The following SMYD3 variants were observed in gnomAD, a reference collection of about 807,000 sequenced individuals.
SMYD3 encodes the protein histone-lysine N-methyltransferase SMYD3.
SMYD3 carries 36 observed loss-of-function variants against 57.7 expected under a neutral mutation model. The ratio of observed to expected loss-of-function variants is 0.62; its 90% CI spans 0.48 to 0.82. SMYD3 has a LOEUF of 0.82. Ranked by LOEUF, SMYD3 falls within the 40% of genes least tolerant of loss-of-function variation. The probability of loss-of-function intolerance (pLI) is 0.00; values close to 1 mark genes in which losing one functional copy is unlikely to be tolerated. For missense variants in SMYD3, 515 were observed against 538.8 expected, an observed-to-expected ratio of 0.96 and a Z score of 0.44; for synonymous variants, 211 against 195.0, an observed-to-expected ratio of 1.08 and a Z score of -0.68.
intron 3 of SMYD3, among the ~76,000 whole-genome samples, chr1:246,333,527 T>C (rs1021499780): frequency 5.3e-5 from 8 of 152,134 alleles, no homozygotes; most frequent in African/African-American, 1.9e-4. Flanking sequence ...ATATCCAGAA[T>C]CTATAAGGAA....
chr1:246,327,429 T>C, intron 4 of SMYD3, 92 bp from the exon 5 acceptor site: 1 of 1,092,330 alleles, frequency 9.2e-7, no homozygotes, highest in Non-Finnish European at 1.3e-6. Flanking sequence ...AAACCAGATA[T>C]TTCCTACCTT....
intron 1 of SMYD3, among the ~76,000 whole-genome samples, chr1:246,411,970 TATAATAA>T: frequency 1.1e-5 from 1 of 93,876 alleles, no homozygotes; most frequent in East Asian, 3.3e-4. Flanking sequence ...AAACTTAAAG[TATAATAA>T]AAAAAAAAAA....
chr1:245,792,020 G>A (rs1383776568), intron 10 of SMYD3, among the ~76,000 whole-genome samples: 1 of 151,050 alleles, frequency 6.6e-6, no homozygotes, highest in Non-Finnish European at 1.5e-5. Flanking sequence ...GCTGTTCGAT[G>A]AAATTTGATT....
At chr1:245,800,759 G>A (rs917235046) in intron 10 of SMYD3, among the ~76,000 whole-genome samples, 1 of 152,140 alleles carries the variant, frequency 6.6e-6, no homozygotes, top group African/African-American at 2.4e-5. Flanking sequence ...ACCATCCATG[G>A]GAGAATGAGA....
At chr1:246,439,332 T>C (rs1572502634) in intron 1 of SMYD3, among the ~76,000 whole-genome samples, 1 of 152,168 alleles carries the variant, frequency 6.6e-6, no homozygotes, top group Non-Finnish European at 1.5e-5. Flanking sequence ...ATTCACTGTA[T>C]AGTCCAACAA....
At chr1:246,389,814 T>TA (rs201949388) in intron 1 of SMYD3, among the ~76,000 whole-genome samples, 22 of 142,696 alleles carry the variant, frequency 1.5e-4, no homozygotes, top group Middle Eastern at 4.1e-3. Flanking sequence ...AGTCAGTTTC[T>TA]GGGGACCTCC....
chr1:246,009,256 T>C (rs2059233444), intron 5 of SMYD3, among the ~76,000 whole-genome samples: 1 of 152,204 alleles, frequency 6.6e-6, no homozygotes, highest in Non-Finnish European at 1.5e-5. Context: ...TTGGAATTCA[T>C]GTATTGGGGG....
At chr1:246,075,538 A>G (rs1286075291) in intron 5 of SMYD3, among the ~76,000 whole-genome samples, 1 of 152,232 alleles carries the variant, frequency 6.6e-6, no homozygotes, top group Non-Finnish European at 1.5e-5. Context: ...AGGCAAAATA[A>G]AGACATTTTC....
At chr1:245,966,701 TCTCGAGTC>T (rs1183879666) in intron 5 of SMYD3, among the ~76,000 whole-genome samples, 1 of 152,134 alleles carries the variant, frequency 6.6e-6, no homozygotes, top group Admixed American at 6.5e-5. Context: ...TTTCAGATCA[TCTCGAGTC>T]CTTATTTCCT....
chr1:245,943,626 A>G (rs534558237), intron 5 of SMYD3, among the ~76,000 whole-genome samples: 2 of 152,326 alleles, frequency 1.3e-5, no homozygotes, highest in African/African-American at 4.8e-5. Context: ...TCGCTAACTT[A>G]TTTTATGAGG....
chr1:245,890,995 T>G (rs576680749), intron 8 of SMYD3, among the ~76,000 whole-genome samples: 3 of 152,356 alleles, frequency 2.0e-5, no homozygotes, highest in African/African-American at 7.2e-5. Context: ...ATGTTCTCAC[T>G]AATTTGTAGG....
At chr1:245,858,797 A>G in intron 9 of SMYD3, 127 bp from the exon 10 acceptor site, 1 of 926,320 alleles carries the variant, frequency 1.1e-6, no homozygotes, top group South Asian at 1.8e-5. Context: ...TTTTTCACAG[A>G]TGAGCTGCCT....
intron 8 of SMYD3, among the ~76,000 whole-genome samples, chr1:245,897,762 T>C (rs566477716): frequency 5.3e-5 from 8 of 151,980 alleles, no homozygotes; most frequent in African/African-American, 1.7e-4. Flanking sequence ...CCAGGTGTGG[T>C]GGTGCGCGGC....
chr1:246,106,670 T>C (rs1445328839), intron 5 of SMYD3, among the ~76,000 whole-genome samples: 2 of 152,190 alleles, frequency 1.3e-5, no homozygotes, highest in African/African-American at 4.8e-5. Flanking sequence ...TTCCCTCTGG[T>C]GGGTTTTCAC....
intron 1 of SMYD3, among the ~76,000 whole-genome samples, chr1:246,401,365 G>T (rs1209555161): frequency 1.3e-5 from 2 of 151,500 alleles, no homozygotes; most frequent in Non-Finnish European, 2.9e-5. Context: ...ACACAGTCTT[G>T]CTCTGTGGCC....
intron 8 of SMYD3, among the ~76,000 whole-genome samples, chr1:245,873,668 C>A (rs539930439): frequency 6.6e-6 from 1 of 152,332 alleles, no homozygotes; most frequent in East Asian, 1.9e-4. Flanking sequence ...CTTTAAGCTG[C>A]CGCAGAACAG....
At chr1:245,898,085 TG>T (rs1325226112) in intron 8 of SMYD3, among the ~76,000 whole-genome samples, 1 of 152,188 alleles carries the variant, frequency 6.6e-6, no homozygotes, top group Non-Finnish European at 1.5e-5. Flanking sequence ...CTTTTAGGTT[TG>T]GCTGCTGATA....
chr1:245,885,733 A>G (rs181606852), intron 8 of SMYD3, among the ~76,000 whole-genome samples: 1 of 152,298 alleles, frequency 6.6e-6, no homozygotes, highest in Non-Finnish European at 1.5e-5. Flanking sequence ...GCTGCATAAA[A>G]ACGTTCATGG....
rs1199613318 is a variant in SMYD3 at position 246,443,576 on chromosome 1, A to T, written c.164+63478T>A. Among the ~76,000 whole-genome samples, 5 of 152,334 alleles carry T rather than the reference A, an allele frequency of 3.3e-5. No individual in the cohort carries two copies. In the South Asian group the frequency reaches 1.0e-3, roughly 32 times the overall value. On this transcript the variant is annotated intron_variant, in intron 1 of 11. Transcript: ENST00000490107. ...CCTTTCCCATACAAATAGAGATGCT[A>T]GCCAGTCTGGGGCAAGGGAGGGTTG...
Sources: gnomAD v4.1 joint callset for allele counts (sites outside exome capture counted in the v4.1 genomes callset) on GRCh38, gnomAD v4.1.1 for gene constraint, MANE v1.5 for transcripts, NCBI Gene and HGNC (gene_info 2026-07-23, HGNC 2026-07-21) for gene names.